RALGAPA2: variants seen among roughly 807,000 people sequenced by gnomAD.
RALGAPA2 encodes ral GTPase-activating protein subunit alpha-2.
RALGAPA2 carries 139 observed loss-of-function variants against 230.4 expected under a neutral mutation model. The observed-to-expected ratio is 0.60, with a 90% CI of 0.53 to 0.69. RALGAPA2 has a LOEUF of 0.69. Ranked by LOEUF, RALGAPA2 falls within the 30% of genes least tolerant of loss-of-function variation. RALGAPA2 has a pLI of 0.00. For missense variants in RALGAPA2, 2,163 were observed against 2,276.0 expected (o/e 0.95, Z 1.01); for synonymous variants, 847 against 837.8 (o/e 1.01, Z -0.19).
chr20:20,535,116 T>C (rs943962923), intron 26 of RALGAPA2, among the ~76,000 whole-genome samples: 2 of 152,280 alleles, frequency 1.3e-5, no homozygotes, highest in Non-Finnish European at 2.9e-5. Context: ...GAGCAGAACA[T>C]GAACCGTTCC....
At position 20,712,591 on chromosome 20, in the gene RALGAPA2, C is replaced by A; in HGVS notation, c.-111G>T. The A allele has an allele frequency of 2.4e-6, 3 of 1,240,990 alleles. No homozygotes were observed. Among genetic ancestry groups the A allele is most frequent in the Non-Finnish European group, 3.0e-6 (3 of 989,874 alleles). The allele number at this position is 1,240,990 out of a possible 1,614,324, so 76.9% of individuals were successfully genotyped here. On this transcript the variant is annotated 5_prime_UTR_variant, in exon 1 of 40. Transcript: ENST00000202677. The surrounding 1 kb of genome is among the most constrained non-coding windows in gnomAD (Gnocchi z 5.5). Reference sequence around the variant, plus strand: ...TGTCGCGCGGGCCACTCGCCGCCCCCAGCCCCGCTGCTGCCGCCGCCGCCG... The same window carrying A: ...TGTCGCGCGGGCCACTCGCCGCCCCAAGCCCCGCTGCTGCCGCCGCCGCCG...
chr20:20,709,537 G>C (rs2069760312), intron 1 of RALGAPA2, among the ~76,000 whole-genome samples: 1 of 152,102 alleles, frequency 6.6e-6, no homozygotes, highest in Non-Finnish European at 1.5e-5. Context: ...TAATACACAG[G>C]GTTTTTTGGT....
chr20:20,520,618 T>C (rs2063009393), intron 31 of RALGAPA2, among the ~76,000 whole-genome samples: 1 of 152,192 alleles, frequency 6.6e-6, no homozygotes, highest in South Asian at 2.1e-4. Context: ...GACTTCACTG[T>C]GTGTTTTCCA....
intron 38 of RALGAPA2, among the ~76,000 whole-genome samples, chr20:20,403,950 A>G (rs942389823): frequency 2.0e-5 from 3 of 152,152 alleles, no homozygotes; most frequent in Non-Finnish European, 4.4e-5. Flanking sequence ...GAGAAGACAG[A>G]TGCTGGGATG....
intron 37 of RALGAPA2, among the ~76,000 whole-genome samples, chr20:20,418,857 G>A (rs372318360): frequency 2.0e-5 from 3 of 152,190 alleles, no homozygotes; most frequent in East Asian, 1.9e-4. Flanking sequence ...TCCCACCTCA[G>A]CCTCCCAAGT....
chr20:20,507,786 T>C (rs536511989), intron 33 of RALGAPA2, among the ~76,000 whole-genome samples: 3 of 152,328 alleles, frequency 2.0e-5, no homozygotes, highest in African/African-American at 4.8e-5. Context: ...AGAATCTAAC[T>C]AGCCTATTCC....
chr20:20,471,512 G>T (rs1437696147), intron 37 of RALGAPA2: 6 of 146,108 alleles, frequency 4.1e-5, no homozygotes, highest in African/African-American at 1.3e-4. Flanking sequence ...CAAACTAATC[G>T]CTGAATAGTT....
rs545779686 is a variant in RALGAPA2, at chr20:20,546,704, C to T, written c.3285G>A (p.Thr1095=). 1.3e-5 allele frequency: 21 copies of T among 1,593,380 alleles called. No individual in the cohort carries two copies. The highest frequency in any genetic ancestry group is 1.7e-4 in the Middle Eastern group (1 of 5,952). Residue 1095 remains threonine (T), a splice_region_variant and synonymous_variant, in exon 24 of 40, where the codon ACG becomes ACA. Transcript: ENST00000202677. ...AARVLSTDIL[T]APRSEAVTVL... ...GGATGCTGAGCATTGTCATACTCAC[C>T]GTCAAAATGTCTGTGCTAAGGACCC...
At chr20:20,579,264 T>C (rs2064912800) in intron 20 of RALGAPA2, among the ~76,000 whole-genome samples, 1 of 152,228 alleles carries the variant, frequency 6.6e-6, no homozygotes, top group South Asian at 2.1e-4. Flanking sequence ...AGCTTGCAGC[T>C]TAAAGTGTAT....
Position 20,515,413 on chromosome 20 carries a change from C to T in RALGAPA2, c.4085-2129G>A, listed in dbSNP as rs77103758. Among the ~76,000 whole-genome samples the T allele has an allele frequency of 2.2e-3, 335 of 152,306 alleles. 10 individuals are homozygous for T. In the East Asian group the frequency reaches 0.058, roughly 27 times the overall value. On this transcript the variant is annotated intron_variant, in intron 31 of 39. Coordinates refer to ENST00000202677, the MANE Select transcript of RALGAPA2 (RefSeq NM_020343.4). ...TCCAAGGAGCAATACAGGAACTCAACAGGAAAACTGCAAGAATCCACAGAT... is the reference window on the plus strand; with the variant it reads ...TCCAAGGAGCAATACAGGAACTCAATAGGAAAACTGCAAGAATCCACAGAT...
chr20:20,525,290 G>C (rs2063166606), intron 28 of RALGAPA2, among the ~76,000 whole-genome samples: 2 of 152,082 alleles, frequency 1.3e-5, no homozygotes, highest in African/African-American at 4.8e-5. Flanking sequence ...TGCTATCCTG[G>C]TGTAAACAGC....
At chr20:20,567,344 C>T (rs774879069) in intron 23 of RALGAPA2, among the ~76,000 whole-genome samples, 15 of 152,158 alleles carry the variant, frequency 9.9e-5, no homozygotes, top group Non-Finnish European at 2.2e-4. Flanking sequence ...TGTGAAAAAG[C>T]TGCTTAAGTG....
At position 20,676,224 on chromosome 20, in the gene RALGAPA2, A is replaced by C; in HGVS notation, c.270+12T>G. The C allele has an allele frequency of 6.6e-7, 1 of 1,508,850 alleles. No individual in the cohort carries two copies. The allele number at this position is 1,508,850 out of a possible 1,614,324, so 93.5% of individuals were successfully genotyped here. On this transcript the variant is annotated intron_variant, in intron 3 of 39. Coordinates refer to ENST00000202677, the MANE Select transcript of RALGAPA2 (RefSeq NM_020343.4). ...AGAATTATAAAAGCTAAATAAACTC[A>C]TCAAAACTTACTTCAAAAAGGAAGA...
rs759943550 is a variant in RALGAPA2, at chr20:20,536,687, T to C, written c.3383A>G (p.Asn1128Ser). 6.2e-7 allele frequency: 1 copy of C among 1,613,100 alleles called. No homozygotes were observed. Among genetic ancestry groups the C allele is most frequent in the Non-Finnish European group, 8.5e-7 (1 of 1,179,200 alleles). Residue 1128 changes from asparagine to serine, a missense_variant, in exon 25 of 40, where the codon AAT becomes AGT. Asn to Ser is a conservative substitution (Grantham distance 46). Transcript: ENST00000202677. ...ATCTTCAGTTCCTGTAATGGCCTCATTTACTTCTGGCACTGACTGCAGTAA... is the reference window on the plus strand; with the variant it reads ...ATCTTCAGTTCCTGTAATGGCCTCACTTACTTCTGGCACTGACTGCAGTAA... ...IPLLQSVPEV[N>S]EAITGTEDVK...
intron 3 of RALGAPA2, among the ~76,000 whole-genome samples, chr20:20,663,748 C>T (rs1291058518): frequency 6.6e-6 from 1 of 152,138 alleles, no homozygotes; most frequent in African/African-American, 2.4e-5. Flanking sequence ...CACACCACAA[C>T]ACCTAGCTAA....
intron 38 of RALGAPA2, among the ~76,000 whole-genome samples, chr20:20,402,019 C>G (rs781066534): frequency 3.3e-5 from 5 of 152,228 alleles, no homozygotes; most frequent in Non-Finnish European, 5.9e-5. Context: ...TCCTCTCCCC[C>G]ACTGGGTTGT....
At chr20:20,465,099 A>G (rs1422615089) in intron 37 of RALGAPA2, among the ~76,000 whole-genome samples, 1 of 149,136 alleles carries the variant, frequency 6.7e-6, no homozygotes. Context: ...GTTTTCCAAA[A>G]TGTTTCTTAC....
intron 14 of RALGAPA2, among the ~76,000 whole-genome samples, chr20:20,607,890 C>T (rs948779055): frequency 2.6e-5 from 4 of 152,170 alleles, no homozygotes; most frequent in East Asian, 1.9e-4. Context: ...ACTGACAACA[C>T]GTGCACAGAG....
chr20:20,526,902 G>T (rs2063219866), intron 27 of RALGAPA2, among the ~76,000 whole-genome samples: 1 of 152,200 alleles, frequency 6.6e-6, no homozygotes, highest in African/African-American at 2.4e-5. Flanking sequence ...TGTAGGAGAA[G>T]ATAACTAATG....
Sources: gnomAD v4.1 joint callset for allele counts (sites outside exome capture counted in the v4.1 genomes callset) on GRCh38, gnomAD v4.1.1 for gene constraint, Gnocchi (gnomAD v3.1) non-coding constraint, MANE v1.5 for transcripts, NCBI Gene and HGNC (gene_info 2026-07-23, HGNC 2026-07-21) for gene names.